Variants in ARHGEF3 observed in about 807,000 individuals in gnomAD.
The protein encoded by ARHGEF3 is 59.8 kDA protein.
ARHGEF3 carries 28 observed loss-of-function variants against 63.2 expected under a neutral mutation model. That is an observed-to-expected ratio of 0.44 (90% CI 0.33 to 0.61). ARHGEF3 has a LOEUF of 0.61. ARHGEF3 is among the 20% of genes least tolerant of loss of function. ARHGEF3 has a pLI of 0.03. For missense variants in ARHGEF3, 533 were observed against 659.3 expected, an observed-to-expected ratio of 0.81 and a Z score of 2.10; for synonymous variants, 266 against 254.2, an observed-to-expected ratio of 1.05 and a Z score of -0.44.
chr3:56,762,674 A>G (rs1226887533), intron 2 of ARHGEF3, among the ~76,000 whole-genome samples: 2 of 152,206 alleles, frequency 1.3e-5, no homozygotes, highest in Admixed American at 1.3e-4. Flanking sequence ...CAAGCCAAGG[A>G]AATTCTCCAC....
Position 56,968,191 on chromosome 3 carries a change from A to ATATAATATATATAAAAATATATAT in ARHGEF3, c.63-9303_63-9302insATATATATTTTTATATATATTATA, listed in dbSNP as rs1560094105. Among the ~76,000 whole-genome samples the ATATAATATATATAAAAATATATAT allele has an allele frequency of 7.5e-3, 85 of 11,354 alleles. 6 individuals carry two copies. Among genetic ancestry groups the ATATAATATATATAAAAATATATAT allele is most frequent in the African/African-American group, 6.3e-3 (40 of 6,334 alleles). 7.4% of individuals were successfully genotyped at this position (11,354 alleles called of 152,430 possible). ...TATAATATATATAAAAATATATATT[A>ATATAATATATATAAAAATATATAT]TATATAATATATAAAAATATATATT... On this transcript the variant is annotated intron_variant, in intron 2 of 12. Transcript: ENST00000338458.
chr3:56,920,165 G>T (rs2042088085), intron 3 of ARHGEF3, among the ~76,000 whole-genome samples: 1 of 152,066 alleles, frequency 6.6e-6, no homozygotes, highest in East Asian at 1.9e-4. Flanking sequence ...AGGTTTTCAG[G>T]GTATGGTATT....
At chr3:56,810,839 G>T (rs1187597518) in intron 4 of ARHGEF3, among the ~76,000 whole-genome samples, 1 of 152,164 alleles carries the variant, frequency 6.6e-6, no homozygotes, top group African/African-American at 2.4e-5. Flanking sequence ...AGCAGACCCA[G>T]AAATCTGTAA....
intron 4 of ARHGEF3, among the ~76,000 whole-genome samples, chr3:56,834,577 T>C (rs1023946426): frequency 2.0e-5 from 3 of 151,892 alleles, no homozygotes; most frequent in African/African-American, 7.3e-5. Context: ...CCATCAAACT[T>C]TGTGAAACCC....
In ARHGEF3 at chr3:56,751,144, C is replaced by T; in HGVS notation, c.536-12G>A. 2 of 1,613,552 alleles carry T rather than the reference C, an allele frequency of 1.2e-6. No individual in the cohort carries two copies. The highest frequency in any genetic ancestry group is 1.7e-6 in the Non-Finnish European group (2 of 1,179,586). On this transcript the variant is annotated splice_polypyrimidine_tract_variant and intron_variant, in intron 5 of 9. Transcript: ENST00000296315. ...CTGACTAAGGAGCTCTGGCAAAAAA[C>T]AAACAGATGCTTATTTGTTAGGCAT...
At chr3:56,781,780 C>T (rs1464966718) in intron 1 of ARHGEF3, among the ~76,000 whole-genome samples, 6 of 152,176 alleles carry the variant, frequency 3.9e-5, no homozygotes, top group Non-Finnish European at 1.5e-5. Context: ...GGAGTGTTTA[C>T]TCAGTATGTG....
At position 56,727,567 on chromosome 3, in the gene ARHGEF3, C is replaced by T. The variant is rs1381100658; in HGVS notation, c.*1703G>A. On this transcript the variant is annotated 3_prime_UTR_variant, in exon 10 of 10. Coordinates refer to ENST00000296315, the MANE Select transcript of ARHGEF3 (RefSeq NM_019555.3). ...CTTTTCCCAACACACTGGCTGATGGCTTCTAAAAGTGGCTGATGGCGCCTA... is the reference window on the plus strand; with the variant it reads ...CTTTTCCCAACACACTGGCTGATGGTTTCTAAAAGTGGCTGATGGCGCCTA... The T allele has an allele frequency of 6.6e-6, 1 of 152,654 alleles. No homozygotes were observed. Among genetic ancestry groups the T allele is most frequent in the Non-Finnish European group, 1.5e-5 (1 of 68,036 alleles). The allele number at this position is 152,654 out of a possible 1,614,324, so 9.5% of individuals were successfully genotyped here. A position where few individuals can be genotyped will look rare whatever the true frequency, so the allele number is the denominator to read the frequency against.
chr3:56,990,888 TA>T (rs1478078741), intron 2 of ARHGEF3, among the ~76,000 whole-genome samples: 1 of 152,056 alleles, frequency 6.6e-6, no homozygotes, highest in Non-Finnish European at 1.5e-5. Context: ...TAATCCTGCC[TA>T]AGGGGTCAGG....
chr3:56,781,285 T>G (rs2036555266), intron 1 of ARHGEF3, among the ~76,000 whole-genome samples: 2 of 151,570 alleles, frequency 1.3e-5, no homozygotes, highest in African/African-American at 4.9e-5. Context: ...TCTCGTTCTG[T>G]CACTGGGACT....
intron 2 of ARHGEF3, among the ~76,000 whole-genome samples, chr3:56,763,421 T>C (rs2035534259): frequency 6.6e-6 from 1 of 152,118 alleles, no homozygotes; most frequent in Non-Finnish European, 1.5e-5. Context: ...TTAGGATAAC[T>C]CCTAGGGAAA....
intron 1 of ARHGEF3, among the ~76,000 whole-genome samples, chr3:57,049,092 G>A (rs551335351): frequency 4.6e-5 from 7 of 152,064 alleles, no homozygotes; most frequent in South Asian, 2.1e-4. Context: ...CCCAGGAGCC[G>A]GGCACGGTGG....
At position 57,066,180 on chromosome 3, in the gene ARHGEF3, A is replaced by G. The variant is rs546453339; in HGVS notation, c.-28+13046T>C. On this transcript the variant is annotated intron_variant, in intron 1 of 12. Coordinates refer to the ARHGEF3 transcript ENST00000338458. ...AAGGGAGGGACTTATTTTGCAGTCA[A>G]TCAAAGGGGAGGGAATTCTTTCCGA... Among the ~76,000 whole-genome samples the G allele has an allele frequency of 6.3e-4, 96 of 152,284 alleles. 2 individuals carry two copies. The South Asian group carries it at 0.017, about 28-fold the overall frequency.
At chr3:57,062,170 T>A (rs79624402) in intron 1 of ARHGEF3, among the ~76,000 whole-genome samples, 1 of 151,840 alleles carries the variant, frequency 6.6e-6, no homozygotes, top group East Asian at 1.9e-4. Flanking sequence ...CTGGAGCAGC[T>A]CAGTCATGTG....
chr3:56,759,224 C>A (rs1489898448), intron 2 of ARHGEF3, among the ~76,000 whole-genome samples: 1 of 142,598 alleles, frequency 7.0e-6, no homozygotes, highest in Non-Finnish European at 1.5e-5. Flanking sequence ...GTCGCCCAGG[C>A]TGGAGTGCAG....
chr3:56,992,937 G>C (rs145367945), intron 2 of ARHGEF3, among the ~76,000 whole-genome samples: 1 of 152,132 alleles, frequency 6.6e-6, no homozygotes, highest in Admixed American at 6.5e-5. Flanking sequence ...GGGTTCAAGC[G>C]ATTCTCCTGC....
intron 1 of ARHGEF3, among the ~76,000 whole-genome samples, chr3:56,791,667 G>C (rs1578521788): frequency 6.6e-6 from 1 of 152,064 alleles, no homozygotes; most frequent in African/African-American, 2.4e-5. Context: ...ACCATGACTG[G>C]CTTAAGCCAA....
At chr3:57,075,854 T>C (rs149030520) in intron 1 of ARHGEF3, among the ~76,000 whole-genome samples, 3 of 152,220 alleles carry the variant, frequency 2.0e-5, no homozygotes, top group Non-Finnish European at 4.4e-5. Flanking sequence ...TTTTCATAAC[T>C]GAATAAACAA....
intron 2 of ARHGEF3, among the ~76,000 whole-genome samples, chr3:56,762,022 CT>C (rs2035448257): frequency 6.6e-6 from 1 of 152,186 alleles, no homozygotes; most frequent in Non-Finnish European, 1.5e-5. Context: ...TTGTGGGAGG[CT>C]CTCCTGTGCA....
intron 2 of ARHGEF3, among the ~76,000 whole-genome samples, chr3:56,963,554 G>A (rs1700365355): frequency 6.6e-6 from 1 of 152,170 alleles, no homozygotes. Flanking sequence ...TCAGCAAGTT[G>A]TATATGTTTT....
Sources: allele counts gnomAD v4.1 joint callset (sites outside exome capture counted in the v4.1 genomes callset), GRCh38; gene constraint gnomAD v4.1.1; transcripts MANE v1.5; gene names NCBI Gene and HGNC (gene_info 2026-07-23, HGNC 2026-07-21).